Variants in RBFOX3 observed in about 807,000 individuals in gnomAD.
The protein encoded by RBFOX3 is RNA binding fox-1 homolog 3.
A neutral mutation model predicts 48.7 loss-of-function variants in RBFOX3; 17 were observed. That is an observed-to-expected ratio of 0.35 (90% CI 0.24 to 0.52). RBFOX3 has a LOEUF of 0.52. Ranked by LOEUF, RBFOX3 falls within the 20% of genes least tolerant of loss-of-function variation. The pLI is 0.94. For synonymous variants in RBFOX3, 212 were observed against 209.5 expected (o/e 1.01, Z -0.10); for missense variants, 382 against 497.5 (o/e 0.77, Z 2.21).
intron 2 of RBFOX3, among the ~76,000 whole-genome samples, chr17:79,369,715 G>C (rs1029742561): frequency 2.0e-5 from 3 of 152,100 alleles, no homozygotes; most frequent in African/African-American, 2.4e-5. Context: ...CCTCTCCCTA[G>C]AGGGCCTTTC....
intron 1 of RBFOX3, among the ~76,000 whole-genome samples, chr17:79,486,082 T>C (rs35299595): frequency 0.47 from 71,156 of 152,156 alleles, 17,351 homozygotes; most frequent in South Asian, 0.58. Flanking sequence ...GCCCCAGGCT[T>C]GTGGCTGGCA....
At chr17:79,618,255 C>T in the RBFOX3 span, among the ~76,000 whole-genome samples, 2 of 152,154 alleles carry the variant, frequency 1.3e-5, no homozygotes, top group African/African-American at 4.8e-5. Flanking sequence ...TTTCTGCAGC[C>T]GGGGCAGTGG....
intron 3 of RBFOX3, among the ~76,000 whole-genome samples, chr17:79,265,749 T>G (rs2066584249): frequency 6.6e-6 from 1 of 152,216 alleles, no homozygotes; most frequent in Non-Finnish European, 1.5e-5. Context: ...TCCGGAGATT[T>G]AGTGGGCTGG....
intron 2 of RBFOX3, among the ~76,000 whole-genome samples, chr17:79,419,745 GA>G (rs1160282753): frequency 6.6e-6 from 1 of 152,354 alleles, no homozygotes; most frequent in Non-Finnish European, 1.5e-5. Flanking sequence ...AAGCACCAAT[GA>G]AATCAAAGGC....
At chr17:79,237,158 C>T (rs537053422) in intron 3 of RBFOX3, among the ~76,000 whole-genome samples, 72 of 152,214 alleles carry the variant, frequency 4.7e-4, no homozygotes, top group African/African-American at 1.1e-3. Context: ...TGTATGTGTG[C>T]GTATTTTTTA....
chr17:79,185,114 A>T (rs541268287), intron 4 of RBFOX3, among the ~76,000 whole-genome samples: 1 of 151,556 alleles, frequency 6.6e-6, no homozygotes, highest in Non-Finnish European at 1.5e-5. Flanking sequence ...TTCTTCGTAG[A>T]GGAGCTGGGA....
At chr17:79,365,161 G>A (rs1287603420) in intron 2 of RBFOX3, among the ~76,000 whole-genome samples, 4 of 151,800 alleles carry the variant, frequency 2.6e-5, no homozygotes, top group Non-Finnish European at 4.4e-5. Context: ...TCATGCACAT[G>A]CACACGGTAT....
intron 5 of RBFOX3, among the ~76,000 whole-genome samples, chr17:79,109,175 T>C (rs1040115261): frequency 4.6e-5 from 7 of 152,170 alleles, no homozygotes; most frequent in Non-Finnish European, 5.9e-5. Context: ...AAAATGGTCA[T>C]GGCTCTCGGA....
At chr17:79,275,766 G>T (rs773027661) in intron 3 of RBFOX3, among the ~76,000 whole-genome samples, 1 of 152,204 alleles carries the variant, frequency 6.6e-6, no homozygotes, top group Non-Finnish European at 1.5e-5. Flanking sequence ...GCTATGGATG[G>T]TCAGGAAGCA....
At chr17:79,603,697 C>T (rs1397026998) in intron 1 of RBFOX3, 4 of 152,398 alleles carry the variant, frequency 2.6e-5, no homozygotes, top group African/African-American at 2.4e-5. Flanking sequence ...CTGACCCTTC[C>T]GAACCCTAGC....
intron 1 of RBFOX3, among the ~76,000 whole-genome samples, chr17:79,498,930 A>G (rs1187829799): frequency 3.3e-5 from 5 of 151,034 alleles, no homozygotes; most frequent in African/African-American, 7.3e-5. Flanking sequence ...CCATCCACTC[A>G]TCCATCCACT....
intron 1 of RBFOX3, among the ~76,000 whole-genome samples, chr17:79,546,946 A>G (rs965833074): frequency 6.6e-6 from 1 of 151,908 alleles, no homozygotes; most frequent in Non-Finnish European, 1.5e-5. Context: ...CTGGGATTAC[A>G]GGTGTGAGCC....
chr17:79,545,479 C>T (rs1390752080), intron 1 of RBFOX3, among the ~76,000 whole-genome samples: 1 of 152,246 alleles, frequency 6.6e-6, no homozygotes, highest in Non-Finnish European at 1.5e-5. Context: ...GGCCTCTCCC[C>T]ACTTCGGCCA....
intron 4 of RBFOX3, among the ~76,000 whole-genome samples, chr17:79,170,121 A>G (rs866417251): frequency 1.5e-4 from 21 of 141,544 alleles, no homozygotes; most frequent in African/African-American, 5.8e-4. Context: ...GGAGGAAGGA[A>G]GGAAGGAAGG....
chr17:79,396,058 C>T (rs1217838973), intron 2 of RBFOX3, among the ~76,000 whole-genome samples: 2 of 152,308 alleles, frequency 1.3e-5, no homozygotes, highest in Non-Finnish European at 2.9e-5. Flanking sequence ...GATGTCTGAG[C>T]CCCTGAGTCC....
chr17:79,580,661 T>C (rs1441080283), intron 1 of RBFOX3, among the ~76,000 whole-genome samples: 3 of 152,184 alleles, frequency 2.0e-5, no homozygotes, highest in African/African-American at 4.8e-5. Context: ...GCTCATGCTA[T>C]GTTCCTATCA....
chr17:79,274,738 C>G (rs933654540), intron 3 of RBFOX3, among the ~76,000 whole-genome samples: 4 of 152,082 alleles, frequency 2.6e-5, no homozygotes, highest in Non-Finnish European at 5.9e-5. Flanking sequence ...GACTTTTCCA[C>G]CCCAGGAAAT....
At chr17:79,134,901 A>C (rs1026391030) in intron 4 of RBFOX3, 1 of 152,214 alleles carries the variant, frequency 6.6e-6, no homozygotes, top group Non-Finnish European at 1.5e-5. Flanking sequence ...TTCTGAGTCC[A>C]TGGGAAAGGC....
chr17:79,325,583 G>A (rs1251630254), intron 2 of RBFOX3, among the ~76,000 whole-genome samples: 3 of 152,056 alleles, frequency 2.0e-5, no homozygotes, highest in Non-Finnish European at 1.5e-5. Context: ...TCTTTAAAAG[G>A]TCACTCAAAG....
Sources: gnomAD v4.1 joint callset for allele counts (sites outside exome capture counted in the v4.1 genomes callset) on GRCh38, gnomAD v4.1.1 for gene constraint, MANE v1.5 for transcripts, NCBI Gene and HGNC (gene_info 2026-07-23, HGNC 2026-07-21) for gene names.